The following DLC1 variants were observed in gnomAD, a reference collection of about 807,000 sequenced individuals.
DLC1 encodes DLC1 Rho GTPase activating protein.
A neutral mutation model predicts 140.3 loss-of-function variants in DLC1; 54 were observed. That is an observed-to-expected ratio of 0.38 (90% confidence interval 0.31 to 0.48). DLC1 has a LOEUF of 0.48. Among genes scored for constraint, DLC1 ranks in the 20% least tolerant of loss-of-function variants. DLC1 has a pLI of 0.96. For missense variants in DLC1, 2,536 were observed against 1,907.0 expected (o/e 1.33, Z -6.14); for synonymous variants, 986 against 728.1 (o/e 1.35, Z -5.70).
chr8:13,267,326 T>A (rs1830727310), intron 5 of DLC1, among the ~76,000 whole-genome samples: 1 of 152,174 alleles, frequency 6.6e-6, no homozygotes, highest in East Asian at 1.9e-4. Context: ...TAGCTTTTTT[T>A]TTTTTCTGCC....
chr8:13,484,640 G>A (rs1800882417), intron 2 of DLC1, among the ~76,000 whole-genome samples: 1 of 151,834 alleles, frequency 6.6e-6, no homozygotes, highest in South Asian at 2.1e-4. Flanking sequence ...AGTTTTCTTG[G>A]TTTCATAGTT....
At chr8:13,283,266 C>T (rs1831426938) in intron 5 of DLC1, among the ~76,000 whole-genome samples, 1 of 151,488 alleles carries the variant, frequency 6.6e-6, no homozygotes, top group Admixed American at 6.6e-5. Context: ...TGCAGGTCGA[C>T]TTCTGTGTAC....
At chr8:13,218,701 A>T (rs910854993) in intron 5 of DLC1, among the ~76,000 whole-genome samples, 5 of 149,998 alleles carry the variant, frequency 3.3e-5, no homozygotes, top group African/African-American at 1.2e-4. Flanking sequence ...AGTCTTTTGA[A>T]ATAGTTTGGC....
chr8:13,601,306 A>G (rs1474687555), intron 1 of DLC1, among the ~76,000 whole-genome samples: 1 of 151,740 alleles, frequency 6.6e-6, no homozygotes, highest in Non-Finnish European at 1.5e-5. Flanking sequence ...CTTCCAGTAA[A>G]CAGATGCTAT....
intron 5 of DLC1, among the ~76,000 whole-genome samples, chr8:13,152,960 T>C (rs1011340216): frequency 6.6e-6 from 1 of 152,082 alleles, no homozygotes; most frequent in African/African-American, 2.4e-5. Flanking sequence ...ACTTTGACCA[T>C]AACAGACTTT....
intron 4 of DLC1, among the ~76,000 whole-genome samples, chr8:13,327,120 ATTTTTTTT>A (rs34667525): frequency 1.9e-4 from 16 of 85,636 alleles, no homozygotes; most frequent in South Asian, 1.0e-3. Context: ...ACACCCGGCT[ATTTTTTTT>A]TTTTTTTTTT....
intron 1 of DLC1, among the ~76,000 whole-genome samples, chr8:13,569,401 T>C (rs1804568651): frequency 6.6e-6 from 1 of 152,188 alleles, no homozygotes; most frequent in Non-Finnish European, 1.5e-5. Context: ...TTCCCCTTAG[T>C]AAGTCATTCT....
intron 5 of DLC1, among the ~76,000 whole-genome samples, chr8:13,202,997 C>G (rs1827478418): frequency 6.6e-6 from 1 of 152,132 alleles, no homozygotes; most frequent in Non-Finnish European, 1.5e-5. Context: ...TATTTCCTTT[C>G]TTTATCAAAA....
At chr8:13,289,065 C>A (rs1337010606) in intron 5 of DLC1, among the ~76,000 whole-genome samples, 1 of 152,158 alleles carries the variant, frequency 6.6e-6, no homozygotes, top group Non-Finnish European at 1.5e-5. Context: ...ACCAACTTCA[C>A]TCCTGTGACC....
Position 13,481,679 on chromosome 8 carries a change from C to G in DLC1, c.1023+17370G>C, listed in dbSNP as rs374796938. ...CTGTGCTTGGCACAAAACATAAGCA[C>G]TGGTTATAGGTTGAACTGGACCCCT... On this transcript the variant is annotated intron_variant, in intron 2 of 17. Coordinates refer to ENST00000276297, the MANE Select transcript of DLC1 (RefSeq NM_182643.3). Among the ~76,000 whole-genome samples, 270 of 152,246 alleles carry G rather than the reference C, an allele frequency of 1.8e-3. 2 individuals carry two copies. Among genetic ancestry groups the G allele is most frequent in the African/African-American group, 6.2e-3 (258 of 41,544 alleles).
chr8:13,106,423 T>A (rs1297077660), intron 7 of DLC1, among the ~76,000 whole-genome samples: 1 of 152,170 alleles, frequency 6.6e-6, no homozygotes, highest in Non-Finnish European at 1.5e-5. Context: ...TCATGGCACA[T>A]TGGAGCCTGG....
At chr8:13,269,028 C>T (rs542531562) in intron 5 of DLC1, among the ~76,000 whole-genome samples, 1 of 152,090 alleles carries the variant, frequency 6.6e-6, no homozygotes, top group Non-Finnish European at 1.5e-5. Flanking sequence ...CACCCGCCAC[C>T]ACGCCTGGCT....
intron 3 of DLC1, among the ~76,000 whole-genome samples, chr8:13,396,058 C>CTTTTTTTTTTTTTTTTTTTTTT (rs1458503033): frequency 7.5e-6 from 1 of 133,364 alleles, no homozygotes. Flanking sequence ...AATTTCTTTT[C>CTTTTTTTTTTTTTTTTTTTTTT]TTTCTTTTTT....
chr8:13,567,147 G>A (rs1233549614), intron 1 of DLC1: 1 of 1,551,762 alleles, frequency 6.4e-7, no homozygotes, highest in Non-Finnish European at 8.7e-7. Flanking sequence ...TGACCTCTGG[G>A]AGCAAACTGG....
intron 4 of DLC1, among the ~76,000 whole-genome samples, chr8:13,348,587 A>G (rs143845145): frequency 9.2e-5 from 14 of 152,304 alleles, no homozygotes; most frequent in African/African-American, 3.4e-4. Context: ...TTAGAATATT[A>G]ATAGGAATGG....
At chr8:13,276,019 C>G (rs1405404542) in intron 5 of DLC1, among the ~76,000 whole-genome samples, 1 of 152,186 alleles carries the variant, frequency 6.6e-6, no homozygotes, top group Admixed American at 6.5e-5. Context: ...AATTCCTTAT[C>G]TAGAAATAAT....
At chr8:13,535,031 G>T (rs1394284669) in intron 1 of DLC1, among the ~76,000 whole-genome samples, 1 of 152,092 alleles carries the variant, frequency 6.6e-6, no homozygotes, top group East Asian at 1.9e-4. Context: ...GCACATATTT[G>T]TTGAGAGTTC....
chr8:13,409,847 C>G (rs1338615857), intron 2 of DLC1, among the ~76,000 whole-genome samples: 1 of 152,214 alleles, frequency 6.6e-6, no homozygotes, highest in Middle Eastern at 3.4e-3. Context: ...CTTCTACGTG[C>G]TAAGGTTCAT....
At chr8:13,362,847 G>A (rs764770906) in intron 4 of DLC1, among the ~76,000 whole-genome samples, 11 of 151,898 alleles carry the variant, frequency 7.2e-5, no homozygotes, top group Non-Finnish European at 1.5e-4. Flanking sequence ...GTTTTGTTTT[G>A]TTTTTTTCCA....
Sources: allele counts gnomAD v4.1 joint callset (sites outside exome capture counted in the v4.1 genomes callset), GRCh38; gene constraint gnomAD v4.1.1; transcripts MANE v1.5; gene names NCBI Gene and HGNC (gene_info 2026-07-23, HGNC 2026-07-21).